GGA3: variants seen among roughly 807,000 people sequenced by gnomAD.
GGA3 encodes ADP-ribosylation factor-binding protein GGA3.
Under a neutral mutation model 77.5 loss-of-function variants are expected in GGA3, and 57 were observed. That is an observed-to-expected ratio of 0.74 (90% CI 0.59 to 0.92). GGA3 has a LOEUF of 0.92. Among genes scored for constraint, GGA3 ranks in the 40% least tolerant of loss-of-function variants. The pLI, the probability that GGA3 is intolerant of heterozygous loss-of-function variation, is 0.00. For missense variants in GGA3, 970 were observed against 914.9 expected, an observed-to-expected ratio of 1.06 and a Z score of -0.78; for synonymous variants, 416 against 383.7, an observed-to-expected ratio of 1.08 and a Z score of -0.98.
chr17:75,256,522 G>T (rs1026586444), intron 1 of GGA3, among the ~76,000 whole-genome samples: 1 of 151,840 alleles, frequency 6.6e-6, no homozygotes, highest in Non-Finnish European at 1.5e-5. Flanking sequence ...CTTCTTTCCT[G>T]TTCCTCACCC....
upstream of GGA3, chr17:75,262,020 G>A: frequency 1.3e-6 from 2 of 1,599,306 alleles, no homozygotes; most frequent in Non-Finnish European, 1.7e-6. Context: ...GGGGCGCTGC[G>A]AGGAAGGAAG....
Position 75,238,357 on chromosome 17 carries a change from G to A in GGA3, c.2094C>T (p.Phe698=), listed in dbSNP as rs138637096. 6.1e-4 allele frequency: 983 copies of A among 1,613,748 alleles called. 2 individuals are homozygous for A. Among genetic ancestry groups the A allele is most frequent in the Non-Finnish European group, 6.3e-4 (744 of 1,179,980 alleles). The change falls in exon 17 of 17, where the codon TTC becomes TTT. Residue 698 remains phenylalanine, a synonymous_variant. Transcript: ENST00000537686. Reference sequence around the variant, plus strand: ...CTGTGCTCAGCTGCTCCCCCAGGGCGAAGGTCAGCTTATACCGAAGCCGCA... The same window carrying A: ...CTGTGCTCAGCTGCTCCCCCAGGGCAAAGGTCAGCTTATACCGAAGCCGCA... ...EKVRLRYKLT[F]ALGEQLSTEV...
upstream of GGA3, chr17:75,261,878 T>G: frequency 6.2e-7 from 1 of 1,605,436 alleles, no homozygotes; most frequent in Non-Finnish European, 8.5e-7. Context: ...GCAGTCCTTG[T>G]GGGGTCCTCG....
chr17:75,262,016 C>G (rs1173331056), upstream of GGA3: 10 of 1,599,438 alleles, frequency 6.3e-6, no homozygotes, highest in Non-Finnish European at 7.6e-6. Flanking sequence ...CGGGGGGGCG[C>G]TGCGAGGAAG....
chr17:75,250,114 T>C (rs1216415603), intron 1 of GGA3, among the ~76,000 whole-genome samples: 1 of 152,144 alleles, frequency 6.6e-6, no homozygotes, highest in Non-Finnish European at 1.5e-5. Flanking sequence ...TGGGGATAAT[T>C]CTGGGTGACT....
In GGA3 at chr17:75,261,065, C is replaced by CTTCCACT. The variant is rs1437436493; in HGVS notation, c.40+482_40+483insAGTGGAA. On this transcript the variant is annotated intron_variant, in intron 1 of 16. Transcript: ENST00000537686. ...TTCTGCCTGAGCGAAGCCGTCACTT[C>CTTCCACT]TCCAACACATGGTCACAATTCTGAA... Among the ~76,000 whole-genome samples the CTTCCACT allele has an allele frequency of 1.3e-5, 2 of 152,254 alleles. 1 individual carries two copies. Among genetic ancestry groups the CTTCCACT allele is most frequent in the Non-Finnish European group, 2.9e-5 (2 of 68,042 alleles).
chr17:75,261,926 C>T (rs755590463), upstream of GGA3: 6 of 1,609,126 alleles, frequency 3.7e-6, no homozygotes, highest in Non-Finnish European at 4.2e-6. Flanking sequence ...GTGAAGGTTG[C>T]CCGAGGATGG....
chr17:75,252,968 A>G (rs2145575930), intron 1 of GGA3, among the ~76,000 whole-genome samples: 1 of 152,330 alleles, frequency 6.6e-6, no homozygotes, highest in East Asian at 1.9e-4. Flanking sequence ...TTTCGGACTC[A>G]GCCCGCCTGC....
chr17:75,248,795 C>G, intron 1 of GGA3: 2 of 749,484 alleles, frequency 2.7e-6, no homozygotes, highest in Non-Finnish European at 2.9e-6. Context: ...AAAAAAAAAA[C>G]AAAAACAAAA....
chr17:75,239,581 G>C lies in GGA3; in HGVS notation c.1584-10C>G, dbSNP rs573246335. 1.0e-4 allele frequency: 158 copies of C among 1,551,024 alleles called. 1 individual carries two copies. The South Asian group carries it at 1.8e-3, about 17-fold the overall frequency. ...CACCAAGCCCGAGGTCCTGGGAGGT[G>C]GGAAGGATGGAAAGCACGTCAGAGA... On this transcript the variant is annotated splice_polypyrimidine_tract_variant and intron_variant, in intron 13 of 16. Transcript: ENST00000537686.
intron 12 of GGA3, 75 bp downstream of exon 12, chr17:75,240,267 G>A: frequency 8.3e-7 from 1 of 1,199,560 alleles, no homozygotes; most frequent in Non-Finnish European, 1.2e-6. Context: ...ACAGCTAACT[G>A]CAGCCCAGGA....
intron 1 of GGA3, among the ~76,000 whole-genome samples, chr17:75,253,961 T>C (rs1043855572): frequency 5.9e-5 from 9 of 152,144 alleles, no homozygotes; most frequent in Admixed American, 5.2e-4. Context: ...TGACAATGGC[T>C]CTAAATGGCC....
intron 1 of GGA3, among the ~76,000 whole-genome samples, chr17:75,257,755 C>T (rs903156960): frequency 3.3e-5 from 5 of 152,146 alleles, no homozygotes; most frequent in African/African-American, 9.7e-5. Context: ...TGAGAAACAT[C>T]GCCCATTCTC....
rs2076452903 is a variant in GGA3, at chr17:75,239,536, A to G, written c.1619T>C (p.Leu540Pro). 1 of 1,562,882 alleles carries G rather than the reference A, an allele frequency of 6.4e-7. No homozygotes were observed. The highest frequency in any genetic ancestry group is 2.4e-5 in the East Asian group (1 of 42,172). ...CCTGGCTGGGGTGGTGGTGGGGATGAGAGGGGAGGTAGTGGGTTTCACCAA... is the reference window on the plus strand; with the variant it reads ...CCTGGCTGGGGTGGTGGTGGGGATGGGAGGGGAGGTAGTGGGTTTCACCAA... ...SGLVKPTTSPLIPTTTPARPL... is the reference protein window; with the variant it reads ...SGLVKPTTSPPIPTTTPARPL... Residue 540 changes from leucine (L) to proline (P), a missense_variant, in exon 14 of 17, where the codon CTC becomes CCC. Leu to Pro is a moderately conservative substitution (Grantham distance 98). Coordinates refer to ENST00000537686, the MANE Select transcript of GGA3 (RefSeq NM_138619.4).
chr17:75,244,200 G>A (rs574770231), intron 4 of GGA3, among the ~76,000 whole-genome samples: 41 of 152,232 alleles, frequency 2.7e-4, no homozygotes, highest in African/African-American at 9.2e-4. Context: ...CTTTAAGTGG[G>A]GGCCCAGAGC....
chr17:75,238,459 C>G, intron 16 of GGA3, 70 bp from the exon 17 acceptor site: 1 of 1,327,874 alleles, frequency 7.5e-7, no homozygotes, highest in Non-Finnish European at 1.1e-6. Context: ...TATTCTGCTA[C>G]CCTCTCTGTG....
intron 1 of GGA3, among the ~76,000 whole-genome samples, chr17:75,247,551 C>T (rs567377432): frequency 2.0e-5 from 3 of 152,292 alleles, no homozygotes; most frequent in South Asian, 4.1e-4. Context: ...CGTGAGTCAC[C>T]GCGCCCAGCG....
At chr17:75,241,311 C>T (rs1429683850) in intron 10 of GGA3, 89 bp downstream of exon 10, 1 of 888,232 alleles carries the variant, frequency 1.1e-6, no homozygotes, top group East Asian at 2.5e-5. Flanking sequence ...TGCAACACCA[C>T]CACGCTGGCC....
chr17:75,258,352 C>T (rs1219694403), intron 1 of GGA3, among the ~76,000 whole-genome samples: 1 of 152,112 alleles, frequency 6.6e-6, no homozygotes, highest in African/African-American at 2.4e-5. Flanking sequence ...GAATGAGGGC[C>T]TGATAACTGC....
Sources: gnomAD v4.1 joint callset for allele counts (sites outside exome capture counted in the v4.1 genomes callset) on GRCh38, gnomAD v4.1.1 for gene constraint, MANE v1.5 for transcripts, NCBI Gene and HGNC (gene_info 2026-07-23, HGNC 2026-07-21) for gene names.